The following MAP4K3 variants were observed in gnomAD, a reference collection of about 807,000 sequenced individuals.
MAP4K3 encodes MAPK/ERK kinase kinase kinase 3.
MAP4K3 carries 94 observed loss-of-function variants against 143.5 expected under a neutral mutation model. The ratio of observed to expected loss-of-function variants is 0.65; its 90% CI spans 0.55 to 0.78. MAP4K3 has a LOEUF of 0.78. Ranked by LOEUF, MAP4K3 falls within the 30% of genes least tolerant of loss-of-function variation. The pLI, the probability that MAP4K3 is intolerant of heterozygous loss-of-function variation, is 0.00. For missense variants in MAP4K3, 1,077 were observed against 1,068.1 expected, an observed-to-expected ratio of 1.01 and a Z score of -0.12; for synonymous variants, 416 against 347.2, an observed-to-expected ratio of 1.20 and a Z score of -2.20.
intron 3 of MAP4K3, among the ~76,000 whole-genome samples, chr2:39,351,410 T>C (rs968338335): frequency 1.3e-5 from 2 of 152,244 alleles, no homozygotes; most frequent in Non-Finnish European, 2.9e-5. Context: ...AGCACTTCTG[T>C]GCCTTACTTC....
intron 27 of MAP4K3, 96 bp from the exon 28 acceptor site, chr2:39,265,402 A>C: frequency 1.2e-6 from 1 of 813,888 alleles, no homozygotes; most frequent in Non-Finnish European, 2.1e-6. Flanking sequence ...TAAACAAACT[A>C]AACATAAAAC....
rs79825457 is a variant in MAP4K3 at position 39,373,817 on chromosome 2, A to T, written c.154+4249T>A. Among the ~76,000 whole-genome samples the T allele has an allele frequency of 1.7e-3, 254 of 152,320 alleles. 6 individuals carry two copies. The East Asian group carries it at 0.023, about 14-fold the overall frequency. ...AGCTTACAGGGCTTGGTGGGGGGGT[A>T]GAAGGGATTTGGAGATGGTTAATTG... On this transcript the variant is annotated intron_variant, in intron 2 of 33. Transcript: ENST00000263881.
chr2:39,285,169 G>C (rs1396497005), intron 21 of MAP4K3, among the ~76,000 whole-genome samples: 1 of 152,168 alleles, frequency 6.6e-6, no homozygotes, highest in Admixed American at 6.5e-5. Context: ...TGGGATTACA[G>C]ATGTGACGGC....
Position 39,250,659 on chromosome 2 carries a change from T to C in MAP4K3, c.2644A>G (p.Ser882Gly). The stretch of plus-strand genomic sequence containing the variant: ...TGACCCGCCAGGATGTACAAATTGC[T>C]ATTTGCTGTGGGGTTATCAGTTGGC... Reference protein sequence around the residue: ...SRPTDNPTANSNLYILAGHEN... With the variant: ...SRPTDNPTANGNLYILAGHEN... Residue 882 changes from serine (S) to glycine (G), a missense_variant, in exon 34 of 34, where the codon AGC (serine) becomes GGC (glycine). Coordinates refer to ENST00000263881, the MANE Select transcript of MAP4K3 (RefSeq NM_003618.4). The C allele has an allele frequency of 6.2e-7, 1 of 1,614,036 alleles. No homozygotes were observed. The highest frequency in any genetic ancestry group is 8.5e-7 in the Non-Finnish European group (1 of 1,179,946).
chr2:39,414,036 G>C (rs1667301875), intron 1 of MAP4K3, among the ~76,000 whole-genome samples: 3 of 152,094 alleles, frequency 2.0e-5, no homozygotes, highest in Admixed American at 1.3e-4. Flanking sequence ...ATATCTGCTA[G>C]AGAACATGAT....
At chr2:39,255,481 C>T (rs1680307843) in intron 31 of MAP4K3, among the ~76,000 whole-genome samples, 2 of 152,190 alleles carry the variant, frequency 1.3e-5, no homozygotes, top group East Asian at 3.8e-4. Flanking sequence ...CCCACTAATA[C>T]ATAATGCCAC....
At chr2:39,269,517 C>T (rs1680924073) in intron 26 of MAP4K3, among the ~76,000 whole-genome samples, 1 of 139,120 alleles carries the variant, frequency 7.2e-6, no homozygotes, top group Non-Finnish European at 1.5e-5. Flanking sequence ...CTCTGTTGCC[C>T]AGGATGGAGT....
At position 39,389,245 on chromosome 2, in the gene MAP4K3, TA is replaced by T. The variant is rs1383895724; in HGVS notation, c.97-11123del. Among the ~76,000 whole-genome samples the T allele has an allele frequency of 1.4e-4, 22 of 151,788 alleles. 1 individual carries two copies. The highest frequency in any genetic ancestry group is 5.3e-4 in the African/African-American group (22 of 41,334). On this transcript the variant is annotated intron_variant, in intron 1 of 33. Transcript: ENST00000263881. ...AAAACCTAACTGGTGTACACAGACA[TA>T]AAATTAGACAAAATGGCAGATCTGA...
rs1365245281 is a variant in MAP4K3 at position 39,273,860 on chromosome 2, T to C, written c.1795-1318A>G. On this transcript the variant is annotated intron_variant, in intron 24 of 33. Transcript: ENST00000263881. ...TTTTCACAAAAAATTCACAACAAAA[T>C]TGGGACTTCATTGGCTATACTGAAA... 2.6e-5 allele frequency among the ~76,000 whole-genome samples: 4 copies of C among 152,118 alleles called. No individual in the cohort carries two copies. The East Asian group carries it at 5.8e-4, about 22-fold the overall frequency.
In MAP4K3 at chr2:39,399,999, A is replaced by G. The variant is rs13411067; in HGVS notation, c.97-21876T>C. Among the ~76,000 whole-genome samples the G allele has an allele frequency of 4.5e-3, 688 of 152,282 alleles. 3 individuals carry two copies. Among genetic ancestry groups the G allele is most frequent in the Middle Eastern group, 0.024 (7 of 294 alleles). On this transcript the variant is annotated intron_variant, in intron 1 of 33. Transcript: ENST00000263881. ...GGTAAGTTTATAAGACAATTTCCCCAGACTTCAGTAAGCTCAAAGCTCAGA... is the reference window on the plus strand; with the variant it reads ...GGTAAGTTTATAAGACAATTTCCCCGGACTTCAGTAAGCTCAAAGCTCAGA...
chr2:39,288,745 G>C (rs893631139), intron 19 of MAP4K3, among the ~76,000 whole-genome samples: 1 of 152,164 alleles, frequency 6.6e-6, no homozygotes, highest in Admixed American at 6.5e-5. Context: ...GGGCATGAGA[G>C]GATACCAATT....
At chr2:39,274,697 AT>A (rs1681175034) in intron 24 of MAP4K3, among the ~76,000 whole-genome samples, 1 of 152,168 alleles carries the variant, frequency 6.6e-6, no homozygotes, top group Admixed American at 6.5e-5. Context: ...TTTATCAATG[AT>A]TGTGTGATCT....
chr2:39,359,975 C>T (rs950149522), intron 2 of MAP4K3, among the ~76,000 whole-genome samples: 2 of 152,238 alleles, frequency 1.3e-5, no homozygotes, highest in African/African-American at 4.8e-5. Context: ...ACATGTTCCC[C>T]TTGTCTTAGT....
At chr2:39,326,332 C>G (rs1683488983) in intron 8 of MAP4K3, 55 bp from the exon 9 acceptor site, 2 of 1,577,952 alleles carry the variant, frequency 1.3e-6, no homozygotes, top group South Asian at 2.3e-5. Context: ...TTCCTTTATA[C>G]TCCCACCCAG....
chr2:39,278,047 C>T (rs572074341), intron 24 of MAP4K3, among the ~76,000 whole-genome samples: 284 of 145,826 alleles, frequency 1.9e-3, no homozygotes, highest in Middle Eastern at 0.011. Context: ...ACTGGGAGGC[C>T]GAGGCGGGCA....
intron 12 of MAP4K3, among the ~76,000 whole-genome samples, chr2:39,317,613 C>T (rs988876760): frequency 6.6e-6 from 1 of 151,716 alleles, no homozygotes; most frequent in African/African-American, 2.4e-5. Flanking sequence ...AGATACTTTT[C>T]AAAAGAAGAC....
chr2:39,426,529 T>C (rs918990712), intron 1 of MAP4K3, among the ~76,000 whole-genome samples: 2 of 151,946 alleles, frequency 1.3e-5, no homozygotes, highest in African/African-American at 4.8e-5. Context: ...TATTTATGGG[T>C]AAAGGAGTTT....
intron 1 of MAP4K3, among the ~76,000 whole-genome samples, chr2:39,417,050 AATT>A (rs974384857): frequency 2.0e-5 from 3 of 152,202 alleles, no homozygotes; most frequent in African/African-American, 7.2e-5. Flanking sequence ...AGTGGTGTAT[AATT>A]ATTATTATTT....
intron 33 of MAP4K3, 90 bp from the exon 34 acceptor site, chr2:39,250,795 G>T: frequency 1.0e-6 from 1 of 959,870 alleles, no homozygotes; most frequent in Non-Finnish European, 1.6e-6. Flanking sequence ...TCCAATATGT[G>T]CCTCTATAAA....
Sources: allele counts gnomAD v4.1 joint callset (sites outside exome capture counted in the v4.1 genomes callset), GRCh38; gene constraint gnomAD v4.1.1; transcripts MANE v1.5; gene names NCBI Gene and HGNC (gene_info 2026-07-23, HGNC 2026-07-21).